Variants in ALPK1 observed in about 807,000 individuals in gnomAD.
ALPK1 encodes the protein alpha kinase 1.
In ALPK1, 110 loss-of-function variants were observed where a neutral mutation model predicts 120.6. The observed-to-expected ratio is 0.91, with a 90% CI of 0.78 to 1.07. The LOEUF is 1.07. ALPK1 is among the 50% of genes least tolerant of loss of function. The pLI is 0.00. For missense variants in ALPK1, 1,498 were observed against 1,483.9 expected, an observed-to-expected ratio of 1.01 and a Z score of -0.16; for synonymous variants, 582 against 560.3, an observed-to-expected ratio of 1.04 and a Z score of -0.55.
At chr4:112,338,961 A>G (rs2351452) in intron 2 of ALPK1, among the ~76,000 whole-genome samples, 100,669 of 152,030 alleles carry the variant, frequency 0.66, 33,976 homozygotes, top group East Asian at 0.89. Context: ...AGTTCCTTCC[A>G]CTGTGCTGTA....
intron 2 of ALPK1, among the ~76,000 whole-genome samples, chr4:112,363,544 C>T (rs1398273764): frequency 1.3e-5 from 2 of 152,000 alleles, no homozygotes; most frequent in Admixed American, 1.3e-4. Context: ...CTGGAGCTCC[C>T]AAATTTATCA....
chr4:112,366,745 C>T lies in ALPK1; in HGVS notation c.-100-10933C>T, dbSNP rs527752442. Among the ~76,000 whole-genome samples the T allele has an allele frequency of 2.0e-5, 3 of 152,310 alleles. No homozygotes were observed. The South Asian group carries it at 6.2e-4, about 32-fold the overall frequency. ...TCATTATATGAAAAAGATACTTGCA[C>T]ATGCATGTTTATAGCAGCACAATTC... is the stretch of plus-strand genomic sequence containing the variant. On this transcript the variant is annotated intron_variant, in intron 2 of 15. Coordinates refer to ENST00000650871, the MANE Select transcript of ALPK1 (RefSeq NM_025144.4).
At chr4:112,359,563 T>C (rs950903387) in intron 2 of ALPK1, 9 of 245,278 alleles carry the variant, frequency 3.7e-5, no homozygotes, top group African/African-American at 2.1e-4. Flanking sequence ...CCTCCTATGC[T>C]CACCCACGGG....
intron 2 of ALPK1, among the ~76,000 whole-genome samples, chr4:112,335,415 A>G (rs1729570696): frequency 6.6e-6 from 1 of 152,198 alleles, no homozygotes; most frequent in Non-Finnish European, 1.5e-5. Flanking sequence ...TGCAAAAGGT[A>G]GATATGAATG....
chr4:112,305,134 G>A (rs1250885590), intron 1 of ALPK1, among the ~76,000 whole-genome samples: 5 of 152,040 alleles, frequency 3.3e-5, no homozygotes, highest in African/African-American at 7.3e-5. Context: ...CCAGTACCAT[G>A]CTGTTTTGGT....
At chr4:112,367,620 C>A (rs1368844882) in intron 2 of ALPK1, among the ~76,000 whole-genome samples, 1 of 152,092 alleles carries the variant, frequency 6.6e-6, no homozygotes, top group East Asian at 1.9e-4. Context: ...TGAGGAGGGT[C>A]CCAGAACCAT....
chr4:112,366,607 G>A (rs572279918), intron 2 of ALPK1, among the ~76,000 whole-genome samples: 4 of 152,172 alleles, frequency 2.6e-5, no homozygotes, highest in Non-Finnish European at 5.9e-5. Flanking sequence ...TGGTGGGAAT[G>A]TAAACTAGTA....
chr4:112,363,403 G>A (rs1220380572), intron 2 of ALPK1, among the ~76,000 whole-genome samples: 1 of 152,150 alleles, frequency 6.6e-6, no homozygotes, highest in African/African-American at 2.4e-5. Context: ...AGCAGGAATA[G>A]CTATTCATGT....
rs1232930350 is a variant in ALPK1 at position 112,431,281 on chromosome 4, G to C, written c.1734G>C (p.Gln578His). 6 of 1,614,102 alleles carry C rather than the reference G, an allele frequency of 3.7e-6. No individual in the cohort carries two copies. Among genetic ancestry groups the C allele is most frequent in the Non-Finnish European group, 3.4e-6 (4 of 1,180,056 alleles). The change falls in exon 11 of 16, where the codon CAG becomes CAC. Residue 578 changes from glutamine (Q) to histidine (H), a missense_variant. Coordinates refer to ENST00000650871, the MANE Select transcript of ALPK1 (RefSeq NM_025144.4). ...TCAACAAGTCTCTGAGTGGCAGCCAGACTTCCAGTGCTTGGAGCAACTTAT... is the reference window on the plus strand; with the variant it reads ...TCAACAAGTCTCTGAGTGGCAGCCACACTTCCAGTGCTTGGAGCAACTTAT... ...AVFNKSLSGS[Q>H]TSSAWSNLSG...
At chr4:112,325,318 A>C (rs538553072) in intron 2 of ALPK1, among the ~76,000 whole-genome samples, 3 of 152,340 alleles carry the variant, frequency 2.0e-5, no homozygotes, top group Admixed American at 2.0e-4. Context: ...TTTTTCCCCA[A>C]AATTGTAAAT....
intron 12 of ALPK1, 70 bp from the exon 13 acceptor site, chr4:112,438,414 T>A: frequency 7.0e-7 from 1 of 1,425,844 alleles, no homozygotes; most frequent in Non-Finnish European, 9.7e-7. Flanking sequence ...TCTTTTGATC[T>A]CCTCTCTCTT....
In ALPK1 at chr4:112,382,521, A is replaced by T; in HGVS notation, c.245A>T (p.Asp82Val). The T allele has an allele frequency of 1.9e-6, 3 of 1,614,130 alleles. No homozygotes were observed. The highest frequency in any genetic ancestry group is 2.5e-6 in the Non-Finnish European group (3 of 1,180,014). ...VGPEDKTNLK[D>V]VIGAGLQQLL... ...CCAGAGGACAAAACAAACCTGAAGG[A>T]TGTGATTGGCGCCGGGTTGCAGCAG... is the stretch of plus-strand genomic sequence containing the variant. Residue 82 changes from aspartate to valine, a missense_variant, in exon 4 of 16, where the codon GAT (aspartate) becomes GTT (valine). Transcript: ENST00000650871.
At chr4:112,376,329 A>G (rs916791182) in intron 2 of ALPK1, among the ~76,000 whole-genome samples, 1 of 152,214 alleles carries the variant, frequency 6.6e-6, no homozygotes, top group African/African-American at 2.4e-5. Context: ...TAGTATTTTA[A>G]ATGAAACAAG....
chr4:112,387,197 T>C (rs185298587), intron 4 of ALPK1, among the ~76,000 whole-genome samples: 6 of 152,304 alleles, frequency 3.9e-5, no homozygotes, highest in Admixed American at 3.9e-4. Flanking sequence ...ACCTTGGGAA[T>C]TTTTCTTTCT....
chr4:112,367,720 G>A (rs958475976), intron 2 of ALPK1, among the ~76,000 whole-genome samples: 1 of 152,104 alleles, frequency 6.6e-6, no homozygotes, highest in African/African-American at 2.4e-5. Context: ...TTCTACTGCT[G>A]CTCCCTCTTC....
chr4:112,302,151 G>A (rs2110518644), intron 1 of ALPK1, among the ~76,000 whole-genome samples: 1 of 152,126 alleles, frequency 6.6e-6, no homozygotes, highest in Non-Finnish European at 1.5e-5. Flanking sequence ...CTAGGTGCTG[G>A]TCCCTGCCCT....
chr4:112,301,258 T>G lies in ALPK1; in HGVS notation c.-153+3789T>G, dbSNP rs189786452. Among the ~76,000 whole-genome samples, 11 of 152,336 alleles carry G rather than the reference T, an allele frequency of 7.2e-5. No individual in the cohort carries two copies. The East Asian group carries it at 1.9e-3, about 27-fold the overall frequency. ...AAGTGGTAACATCTCTTTTGATATA[T>G]TAATGTATTAGGTTTGACATACACT... On this transcript the variant is annotated intron_variant, in intron 1 of 15. Coordinates refer to ENST00000650871, the MANE Select transcript of ALPK1 (RefSeq NM_025144.4).
intron 2 of ALPK1, among the ~76,000 whole-genome samples, chr4:112,374,790 G>T (rs983091441): frequency 6.6e-6 from 1 of 152,206 alleles, no homozygotes; most frequent in Non-Finnish European, 1.5e-5. Flanking sequence ...CTGTCAATGA[G>T]CAGTAATATT....
chr4:112,393,832 C>T (rs955325954), intron 4 of ALPK1, among the ~76,000 whole-genome samples: 1 of 152,088 alleles, frequency 6.6e-6, no homozygotes, highest in African/African-American at 2.4e-5. Context: ...ATTTTCTCTT[C>T]CCATTTGGTG....
Sources: gnomAD v4.1 joint callset for allele counts (sites outside exome capture counted in the v4.1 genomes callset) on GRCh38, gnomAD v4.1.1 for gene constraint, MANE v1.5 for transcripts, NCBI Gene and HGNC (gene_info 2026-07-23, HGNC 2026-07-21) for gene names.